Variants in CCNB3 observed in about 807,000 individuals in gnomAD.
The protein encoded by CCNB3 is G2/mitotic-specific cyclin-B3.
CCNB3 carries 12 observed loss-of-function variants against 68.0 expected under a neutral mutation model. The observed-to-expected ratio is 0.18, with a 90% CI of 0.11 to 0.29. CCNB3 has a LOEUF of 0.29. Ranked by LOEUF, CCNB3 falls within the 10% of genes least tolerant of loss-of-function variation. The pLI, the probability that CCNB3 is intolerant of heterozygous loss-of-function variation, is 1.00. For missense variants in CCNB3, 904 were observed against 993.1 expected (o/e 0.91, Z 1.21); for synonymous variants, 354 against 388.9 (o/e 0.91, Z 1.06).
At chrX:50,283,120 C>T (rs1936170495) in intron 1 of CCNB3, among the ~76,000 whole-genome samples, 1 of 111,679 alleles carries the variant, frequency 9.0e-6, no homozygotes, top group Admixed American at 9.6e-5. Flanking sequence ...CTGAGCCACA[C>T]AAGTCCTCTG....
Position 50,217,561 on chromosome X carries a change from C to T in CCNB3, c.-113+12611C>T, listed in dbSNP as rs1935598615. ...TGCTGGGATTACAGGCATGAGCCACCGCACCCGGCCATTTTTCCCTTCACT... is the reference window on the plus strand; with the variant it reads ...TGCTGGGATTACAGGCATGAGCCACTGCACCCGGCCATTTTTCCCTTCACT... On this transcript the variant is annotated intron_variant, in intron 1 of 12. Transcript: ENST00000376042. Among the ~76,000 whole-genome samples, 5 of 110,929 alleles carry T rather than the reference C, an allele frequency of 4.5e-5. No homozygotes were observed. The South Asian group carries it at 1.2e-3, about 26-fold the overall frequency.
intron 5 of CCNB3, among the ~76,000 whole-genome samples, chrX:50,297,669 A>C (rs182843358): frequency 0.014 from 1,549 of 112,008 alleles, 25 homozygotes; most frequent in Non-Finnish European, 0.022. Flanking sequence ...TCTGTGAAGA[A>C]AGTCATTGGT....
At chrX:50,321,915 C>A (rs977649203) in intron 8 of CCNB3, among the ~76,000 whole-genome samples, 11 of 110,939 alleles carry the variant, frequency 9.9e-5, no homozygotes, top group South Asian at 3.8e-4. Flanking sequence ...AGGTCTTTTA[C>A]AATTTCAATT....
chrX:50,305,359 C>T (rs1329449452), intron 5 of CCNB3, among the ~76,000 whole-genome samples: 4 of 111,465 alleles, frequency 3.6e-5, no homozygotes, highest in Non-Finnish European at 5.6e-5. Flanking sequence ...TTTGTAGGGA[C>T]ATGGATGAAG....
chrX:50,290,479 C>T (rs1936329807), intron 4 of CCNB3, among the ~76,000 whole-genome samples: 1 of 111,807 alleles, frequency 8.9e-6, no homozygotes, highest in African/African-American at 3.2e-5. Context: ...AGGCCTATCT[C>T]TTAATAGCAT....
chrX:50,315,644 GTAAA>G (rs1569543019), intron 8 of CCNB3, among the ~76,000 whole-genome samples: 1 of 111,228 alleles, frequency 9.0e-6, no homozygotes, highest in East Asian at 2.8e-4. Context: ...GATCACATTT[GTAAA>G]TAAATATTTA....
At chrX:50,298,309 A>C (rs1416749207) in intron 5 of CCNB3, among the ~76,000 whole-genome samples, 1 of 111,814 alleles carries the variant, frequency 8.9e-6, no homozygotes, top group African/African-American at 3.2e-5. Context: ...ACGTCCCATC[A>C]ATACCTAATT....
Position 50,338,417 on chromosome X carries a change from G to A in CCNB3, c.3517-3785G>A, listed in dbSNP as rs142664153. Reference sequence around the variant, plus strand: ...TTTAAGGGCTTACAATTCTAAGGGGGTCCATGTGAGAGGGACATGATCGAT... The same window carrying A: ...TTTAAGGGCTTACAATTCTAAGGGGATCCATGTGAGAGGGACATGATCGAT... On this transcript the variant is annotated intron_variant, in intron 8 of 12. Transcript: ENST00000376042. 7.4e-3 allele frequency among the ~76,000 whole-genome samples: 824 copies of A among 111,993 alleles called. 1 individual carries two copies. Among genetic ancestry groups the A allele is most frequent in the Non-Finnish European group, 0.012 (613 of 53,179 alleles).
intron 3 of CCNB3, among the ~76,000 whole-genome samples, chrX:50,288,102 T>C (rs1037606403): frequency 3.7e-5 from 4 of 107,291 alleles, no homozygotes; most frequent in Non-Finnish European, 7.6e-5. Context: ...CCACTGATTC[T>C]ACATTATGGC....
intron 1 of CCNB3, among the ~76,000 whole-genome samples, chrX:50,228,291 A>G (rs1430909625): frequency 2.1e-5 from 2 of 94,170 alleles, no homozygotes; most frequent in East Asian, 3.1e-4. Flanking sequence ...GAATATATAT[A>G]AATACATATA....
chrX:50,321,604 A>G (rs1922020141), intron 8 of CCNB3, among the ~76,000 whole-genome samples: 1 of 111,135 alleles, frequency 9.0e-6, no homozygotes, highest in South Asian at 3.7e-4. Context: ...CCATTGATCT[A>G]TTTGTCTACT....
At chrX:50,280,102 T>C (rs1374629957) in intron 1 of CCNB3, among the ~76,000 whole-genome samples, 2 of 92,389 alleles carry the variant, frequency 2.2e-5, no homozygotes, top group East Asian at 3.3e-4. Context: ...TATAAATATA[T>C]ATATAGAATA....
chrX:50,279,550 TA>T (rs1235129176), intron 1 of CCNB3, among the ~76,000 whole-genome samples: 11 of 85,241 alleles, frequency 1.3e-4, no homozygotes, highest in African/African-American at 4.8e-4. Context: ...TTCATATATA[TA>T]AATATATGAA....
chrX:50,214,693 G>T (rs1391448038), intron 1 of CCNB3, among the ~76,000 whole-genome samples: 1 of 98,849 alleles, frequency 1.0e-5, no homozygotes, highest in Non-Finnish European at 2.0e-5. Flanking sequence ...TATATAATAT[G>T]TACACTTATT....
chrX:50,314,242 T>C (rs1023019782), intron 8 of CCNB3, among the ~76,000 whole-genome samples: 3 of 112,076 alleles, frequency 2.7e-5, no homozygotes, highest in Non-Finnish European at 5.6e-5. Flanking sequence ...GTTTTATCAT[T>C]CTTAAAGTCT....
intron 1 of CCNB3, among the ~76,000 whole-genome samples, chrX:50,207,203 A>C (rs1244585080): frequency 1.8e-5 from 2 of 111,905 alleles, no homozygotes; most frequent in Non-Finnish European, 3.8e-5. Flanking sequence ...ACAACCTAGC[A>C]GTGGCTCATG....
At chrX:50,228,022 G>C (rs1935944431) in intron 1 of CCNB3, among the ~76,000 whole-genome samples, 4 of 82,268 alleles carry the variant, frequency 4.9e-5, no homozygotes, top group East Asian at 6.8e-4. Flanking sequence ...AATATATAGA[G>C]AGAATATATA....
At chrX:50,348,501 C>T (rs1307090527) in intron 11 of CCNB3, among the ~76,000 whole-genome samples, 1 of 111,675 alleles carries the variant, frequency 9.0e-6, no homozygotes, top group Non-Finnish European at 1.9e-5. Flanking sequence ...CCTCTGTGGG[C>T]TGAGAAAGAA....
At chrX:50,213,866 TA>T (rs1203133657) in intron 1 of CCNB3, among the ~76,000 whole-genome samples, 8 of 111,300 alleles carry the variant, frequency 7.2e-5, no homozygotes, top group African/African-American at 2.3e-4. Context: ...TTATTTCTTT[TA>T]AAAAAACTTT....
Sources: gnomAD v4.1 joint callset for allele counts (sites outside exome capture counted in the v4.1 genomes callset) on GRCh38, gnomAD v4.1.1 for gene constraint, MANE v1.5 for transcripts, NCBI Gene and HGNC (gene_info 2026-07-23, HGNC 2026-07-21) for gene names.